The following LHFPL3 variants were observed in gnomAD, a reference collection of about 807,000 sequenced individuals.
LHFPL3 encodes the protein LHFPL tetraspan subfamily member 3 protein.
In LHFPL3, 5 loss-of-function variants were observed where a neutral mutation model predicts 19.3. That is an observed-to-expected ratio of 0.26 (90% CI 0.14 to 0.54). The LOEUF (loss-of-function observed/expected upper bound fraction) is 0.54. Ranked by LOEUF, LHFPL3 falls within the 20% of genes least tolerant of loss-of-function variation. LHFPL3 has a pLI of 0.94. For synonymous variants in LHFPL3, 133 were observed against 126.2 expected (o/e 1.05, Z -0.36); for missense variants, 249 against 307.4 (o/e 0.81, Z 1.42).
At chr7:104,460,697 A>G (rs142618249) in intron 1 of LHFPL3, among the ~76,000 whole-genome samples, 5 of 151,758 alleles carry the variant, frequency 3.3e-5, no homozygotes, top group African/African-American at 1.2e-4. Flanking sequence ...TAATGGGGTT[A>G]TTTGTTTTCT....
chr7:104,716,980 G>C (rs536225550), intron 1 of LHFPL3, among the ~76,000 whole-genome samples: 1 of 152,236 alleles, frequency 6.6e-6, no homozygotes, highest in East Asian at 1.9e-4. Context: ...CAGACATGTA[G>C]TCCAGTGGAA....
At chr7:104,598,204 C>G (rs893565173) in intron 1 of LHFPL3, among the ~76,000 whole-genome samples, 1 of 152,144 alleles carries the variant, frequency 6.6e-6, no homozygotes, top group Non-Finnish European at 1.5e-5. Context: ...TAGCAACTAA[C>G]AGCACAAACA....
At chr7:104,778,304 G>A (rs1261780951) in intron 2 of LHFPL3, among the ~76,000 whole-genome samples, 1 of 152,142 alleles carries the variant, frequency 6.6e-6, no homozygotes, top group African/African-American at 2.4e-5. Context: ...ACAACCTTGT[G>A]CAGAGGCGGT....
intron 1 of LHFPL3, among the ~76,000 whole-genome samples, chr7:104,414,165 A>G (rs909108666): frequency 6.6e-6 from 1 of 151,790 alleles, no homozygotes; most frequent in South Asian, 2.1e-4. Flanking sequence ...GGCATTTAGT[A>G]TGAATAGTAG....
At chr7:104,393,499 C>G (rs908597095) in intron 1 of LHFPL3, among the ~76,000 whole-genome samples, 1 of 152,014 alleles carries the variant, frequency 6.6e-6, no homozygotes, top group Admixed American at 6.6e-5. Flanking sequence ...GGGAGGATCA[C>G]GAGGTCAGGA....
At chr7:104,641,181 G>C (rs1042818298) in intron 1 of LHFPL3, among the ~76,000 whole-genome samples, 2 of 152,166 alleles carry the variant, frequency 1.3e-5, no homozygotes, top group African/African-American at 4.8e-5. Flanking sequence ...CATGTAACTT[G>C]AAAACAACCA....
chr7:104,637,210 C>T (rs776885771), intron 1 of LHFPL3, among the ~76,000 whole-genome samples: 11 of 152,242 alleles, frequency 7.2e-5, no homozygotes, highest in Admixed American at 1.3e-4. Flanking sequence ...ATCCTTTGCC[C>T]ACTTTTTAAT....
intron 2 of LHFPL3, among the ~76,000 whole-genome samples, chr7:104,750,062 G>A (rs112326509): frequency 0.086 from 13,098 of 151,972 alleles, 731 homozygotes; most frequent in Non-Finnish European, 0.13. Flanking sequence ...AATAAATCTC[G>A]ACCCCACAGA....
intron 1 of LHFPL3, among the ~76,000 whole-genome samples, chr7:104,570,940 A>G (rs1222734523): frequency 6.6e-6 from 1 of 152,200 alleles, no homozygotes; most frequent in Non-Finnish European, 1.5e-5. Flanking sequence ...TCATTCTGGA[A>G]TATTGGCTGT....
chr7:104,824,853 T>A lies in LHFPL3; in HGVS notation c.683-81334T>A, dbSNP rs937680076. ...TAATTATATATTATATATTATCTAA[T>A]AATTATATATATTATCTAATAATTA... On this transcript the variant is annotated intron_variant, in intron 2 of 2. Transcript: ENST00000424859. Among the ~76,000 whole-genome samples, 15 of 131,994 alleles carry A rather than the reference T, an allele frequency of 1.1e-4. 1 individual carries two copies. The highest frequency in any genetic ancestry group is 4.3e-4 in the African/African-American group (15 of 35,022). The allele number at this position is 131,994 out of a possible 152,430, so 86.6% of individuals were successfully genotyped here.
At chr7:104,662,836 A>G (rs11972589) in intron 1 of LHFPL3, among the ~76,000 whole-genome samples, 4,593 of 152,312 alleles carry the variant, frequency 0.03, 228 homozygotes, top group African/African-American at 0.1. Flanking sequence ...TAGGATTGCA[A>G]TTAGTTCACT....
chr7:104,485,604 A>G (rs1793221525), intron 1 of LHFPL3, among the ~76,000 whole-genome samples: 1 of 152,200 alleles, frequency 6.6e-6, no homozygotes, highest in South Asian at 2.1e-4. Context: ...GGAACCATTT[A>G]ATGATTAGAT....
chr7:104,649,162 A>G (rs1791984100), intron 1 of LHFPL3, among the ~76,000 whole-genome samples: 2 of 152,236 alleles, frequency 1.3e-5, no homozygotes, highest in Non-Finnish European at 2.9e-5. Flanking sequence ...ACTTAATTGC[A>G]TTAATTGGAA....
chr7:104,431,473 C>A (rs951816564), intron 1 of LHFPL3, among the ~76,000 whole-genome samples: 1 of 152,064 alleles, frequency 6.6e-6, no homozygotes, highest in Non-Finnish European at 1.5e-5. Context: ...TTTCTTTGAT[C>A]CTTGCTTTTT....
chr7:104,723,545 A>T (rs1223975696), intron 1 of LHFPL3, among the ~76,000 whole-genome samples: 1 of 151,916 alleles, frequency 6.6e-6, no homozygotes, highest in Non-Finnish European at 1.5e-5. Flanking sequence ...AACATGGTGA[A>T]ACCCTGTCTC....
intron 1 of LHFPL3, among the ~76,000 whole-genome samples, chr7:104,599,083 T>C (rs1790917269): frequency 6.6e-6 from 1 of 152,236 alleles, no homozygotes; most frequent in African/African-American, 2.4e-5. Flanking sequence ...GTGCTTTTCT[T>C]AAATAGGCAA....
At chr7:104,506,489 G>T (rs1793701422) in intron 1 of LHFPL3, among the ~76,000 whole-genome samples, 1 of 152,142 alleles carries the variant, frequency 6.6e-6, no homozygotes, top group Admixed American at 6.5e-5. Flanking sequence ...ACTAGATTGT[G>T]GTCAAGTCCT....
At chr7:104,654,042 C>T (rs1188906943) in intron 1 of LHFPL3, among the ~76,000 whole-genome samples, 1 of 152,204 alleles carries the variant, frequency 6.6e-6, no homozygotes, top group Non-Finnish European at 1.5e-5. Context: ...AAGGTCTACC[C>T]ATTCACTCCA....
chr7:104,846,158 CCTT>C (rs1791309495), intron 2 of LHFPL3, among the ~76,000 whole-genome samples: 1 of 152,104 alleles, frequency 6.6e-6, no homozygotes, highest in African/African-American at 2.4e-5. Context: ...TTCTGGTGTT[CCTT>C]GATTTTCCAT....
Sources: gnomAD v4.1 joint callset for allele counts (sites outside exome capture counted in the v4.1 genomes callset) on GRCh38, gnomAD v4.1.1 for gene constraint, MANE v1.5 for transcripts, NCBI Gene and HGNC (gene_info 2026-07-23, HGNC 2026-07-21) for gene names.